Variants in FGF14 observed in about 807,000 individuals in gnomAD.
The protein encoded by FGF14 is fibroblast growth factor homologous factor 4.
Under a neutral mutation model 25.5 loss-of-function variants are expected in FGF14, and 5 were observed. The ratio of observed to expected loss-of-function variants is 0.20; its 90% CI spans 0.10 to 0.41. The LOEUF is 0.41. Ranked by LOEUF, FGF14 falls within the 10% of genes least tolerant of loss-of-function variation. FGF14 has a pLI of 1.00. For synonymous variants in FGF14, 138 were observed against 118.3 expected, an observed-to-expected ratio of 1.17 and a Z score of -1.08; for missense variants, 222 against 320.1, an observed-to-expected ratio of 0.69 and a Z score of 2.34.
intron 1 of FGF14, among the ~76,000 whole-genome samples, chr13:101,889,663 C>A (rs2138876187): frequency 6.6e-6 from 1 of 152,302 alleles, no homozygotes; most frequent in Non-Finnish European, 1.5e-5. Flanking sequence ...AGCAAGGGAA[C>A]TTCACGATGT....
At chr13:102,041,978 G>C (rs2041765725) in intron 1 of FGF14, among the ~76,000 whole-genome samples, 1 of 152,126 alleles carries the variant, frequency 6.6e-6, no homozygotes, top group African/African-American at 2.4e-5. Flanking sequence ...GCCAGCCAAA[G>C]TTCACTTAAA....
At chr13:102,030,331 C>T (rs967971052) in intron 1 of FGF14, among the ~76,000 whole-genome samples, 7 of 152,028 alleles carry the variant, frequency 4.6e-5, no homozygotes, top group Non-Finnish European at 8.8e-5. Context: ...CACATGCCCC[C>T]ACATGCCTTC....
At chr13:102,363,764 T>C (rs1469447849) in intron 1 of FGF14, among the ~76,000 whole-genome samples, 2 of 152,202 alleles carry the variant, frequency 1.3e-5, no homozygotes, top group East Asian at 3.8e-4. Flanking sequence ...CCACTCTGAA[T>C]AGTTTGATTG....
At chr13:102,326,657 GGGGAAGGGAGGGGAAGGGAA>G (rs1196274292) in intron 1 of FGF14, among the ~76,000 whole-genome samples, 18 of 86,826 alleles carry the variant, frequency 2.1e-4, no homozygotes, top group African/African-American at 9.1e-4. Flanking sequence ...GGAGAAGGGA[GGGGAAGGGAGGGGAAGGGAA>G]GGGAAGGGAA....
rs144977883 is a variant in FGF14, at chr13:102,284,911, TTC to T, written c.208+116558_208+116559del. 1.9e-3 allele frequency among the ~76,000 whole-genome samples: 287 copies of T among 151,570 alleles called. 1 individual carries two copies. Among genetic ancestry groups the T allele is most frequent in the African/African-American group, 6.4e-3 (267 of 41,402 alleles). On this transcript the variant is annotated intron_variant, in intron 1 of 4. Coordinates refer to the FGF14 transcript ENST00000376131. ...CACCCTGTCATTCTTCCTTTTCTAT[TTC>T]TCTCTCTCTCTCCCCCTCCGTCTCT... is the stretch of plus-strand genomic sequence containing the variant.
chr13:102,357,447 C>T (rs2057451084), intron 1 of FGF14, among the ~76,000 whole-genome samples: 1 of 152,030 alleles, frequency 6.6e-6, no homozygotes, highest in Non-Finnish European at 1.5e-5. Context: ...ATAAGAACTC[C>T]AGAATTAAAT....
At chr13:101,845,205 T>G (rs956727580) in intron 3 of FGF14, among the ~76,000 whole-genome samples, 1 of 152,046 alleles carries the variant, frequency 6.6e-6, no homozygotes, top group Non-Finnish European at 1.5e-5. Flanking sequence ...AATTTGCTGT[T>G]TTTCAAAAAT....
At chr13:102,165,092 A>C (rs2047939506) in intron 1 of FGF14, among the ~76,000 whole-genome samples, 1 of 152,156 alleles carries the variant, frequency 6.6e-6, no homozygotes, top group South Asian at 2.1e-4. Context: ...CATCAGAGAA[A>C]TGCAAATTAA....
At chr13:102,062,056 AGTTT>A (rs1269313843) in intron 1 of FGF14, among the ~76,000 whole-genome samples, 5 of 152,246 alleles carry the variant, frequency 3.3e-5, no homozygotes, top group African/African-American at 1.2e-4. Flanking sequence ...GGTTTATGGT[AGTTT>A]GTTATTTAGC....
intron 1 of FGF14, among the ~76,000 whole-genome samples, chr13:101,970,003 T>C (rs61966470): frequency 0.04 from 6,110 of 152,338 alleles, 157 homozygotes; most frequent in African/African-American, 0.061. Context: ...ATCTGCCTTA[T>C]AGCAATCTCT....
At chr13:102,221,622 A>G (rs897812594) in intron 1 of FGF14, among the ~76,000 whole-genome samples, 2 of 73,876 alleles carry the variant, frequency 2.7e-5, no homozygotes, top group African/African-American at 1.6e-4. Flanking sequence ...ACAAACACAC[A>G]AACACACACA....
At chr13:101,921,969 T>G (rs1302488449) in intron 1 of FGF14, among the ~76,000 whole-genome samples, 2 of 152,240 alleles carry the variant, frequency 1.3e-5, no homozygotes, top group African/African-American at 4.8e-5. Context: ...TCCATGTACT[T>G]TCCTTATTTA....
At chr13:102,177,393 T>G (rs1043985690) in intron 1 of FGF14, among the ~76,000 whole-genome samples, 3 of 152,174 alleles carry the variant, frequency 2.0e-5, no homozygotes, top group African/African-American at 7.2e-5. Flanking sequence ...CTTTAAACTG[T>G]GTGCTGGTGT....
At chr13:102,248,272 C>T (rs1460947781) in intron 1 of FGF14, among the ~76,000 whole-genome samples, 1 of 152,048 alleles carries the variant, frequency 6.6e-6, no homozygotes, top group Non-Finnish European at 1.5e-5. Context: ...ATATACTTTG[C>T]TTGTAAGGCA....
At chr13:102,376,494 C>T (rs2058044644) in intron 1 of FGF14, among the ~76,000 whole-genome samples, 1 of 152,126 alleles carries the variant, frequency 6.6e-6, no homozygotes, top group African/African-American at 2.4e-5. Context: ...TCATTCATTC[C>T]CAGGTTTTCA....
intron 1 of FGF14, among the ~76,000 whole-genome samples, chr13:102,066,941 G>A (rs2042929157): frequency 6.6e-6 from 1 of 152,094 alleles, no homozygotes; most frequent in Non-Finnish European, 1.5e-5. Flanking sequence ...AGTTCTCCGT[G>A]GCTTACAGAA....
chr13:102,318,476 C>T (rs2056120086), intron 1 of FGF14, among the ~76,000 whole-genome samples: 1 of 152,172 alleles, frequency 6.6e-6, no homozygotes. Flanking sequence ...GCAGAGTGGA[C>T]TCTTTCTGAG....
At chr13:102,129,378 T>C (rs1158047828) in intron 1 of FGF14, among the ~76,000 whole-genome samples, 1 of 152,210 alleles carries the variant, frequency 6.6e-6, no homozygotes, top group African/African-American at 2.4e-5. Flanking sequence ...ATAAATTTGA[T>C]GTGATACAGT....
At chr13:102,284,674 G>A (rs540009484) in intron 1 of FGF14, among the ~76,000 whole-genome samples, 107 of 152,036 alleles carry the variant, frequency 7.0e-4, no homozygotes, top group Middle Eastern at 3.4e-3. Flanking sequence ...ATCTGAGTTC[G>A]ACAGTCAGCT....
Sources: allele counts gnomAD v4.1 joint callset (sites outside exome capture counted in the v4.1 genomes callset), GRCh38; gene constraint gnomAD v4.1.1; transcripts MANE v1.5; gene names NCBI Gene and HGNC (gene_info 2026-07-23, HGNC 2026-07-21).